CD163L1: variants seen among roughly 807,000 people sequenced by gnomAD.
CD163L1 encodes scavenger receptor cysteine-rich type 1 protein M160.
Under a neutral mutation model 165.4 loss-of-function variants are expected in CD163L1, and 124 were observed. The observed-to-expected ratio is 0.75, with a 90% confidence interval of 0.65 to 0.87. The LOEUF (loss-of-function observed/expected upper bound fraction) is 0.87, where lower values mean the gene tolerates loss of function less well. Among genes scored for constraint, CD163L1 ranks in the 40% least tolerant of loss-of-function variants. The pLI is 0.00. For missense variants in CD163L1, 1,525 were observed against 1,799.9 expected (o/e 0.85, Z 2.76); for synonymous variants, 585 against 662.2 (o/e 0.88, Z 1.79).
the CD163L1 span, chr12:7,323,309 G>T: frequency 1.2e-6 from 2 of 1,610,296 alleles, no homozygotes; most frequent in Non-Finnish European, 1.7e-6. Flanking sequence ...GCCCTATGAT[G>T]TCCAGGTAGG....
rs1483147633 is a variant in CD163L1 at position 7,422,771 on chromosome 12, GTGTA to G, written c.766+9641_766+9644del. Reference sequence around the variant, plus strand: ...TACATATGTGTGTGTGTGTGTGTGTGTGTATATATATATATACACACAGGTGCAC... The same window carrying G: ...TACATATGTGTGTGTGTGTGTGTGTGTATATATATATACACACAGGTGCAC... On this transcript the variant is annotated intron_variant, in intron 4 of 19. Coordinates refer to ENST00000313599, the MANE Select transcript of CD163L1 (RefSeq NM_174941.6). Among the ~76,000 whole-genome samples the G allele has an allele frequency of 5.7e-3, 823 of 145,006 alleles. 5 individuals carry two copies. Among genetic ancestry groups the G allele is most frequent in the African/African-American group, 0.018 (705 of 39,342 alleles).
chr12:7,404,645 T>A (rs1947980922), intron 5 of CD163L1, among the ~76,000 whole-genome samples: 2 of 152,190 alleles, frequency 1.3e-5, no homozygotes. Flanking sequence ...CTCCTCCCAT[T>A]ATTCAAGCTT....
At chr12:7,406,923 A>C in intron 4 of CD163L1, 71 bp from the exon 5 acceptor site, 1 of 1,353,206 alleles carries the variant, frequency 7.4e-7, no homozygotes, top group Non-Finnish European at 1.0e-6. Flanking sequence ...AGATCCTGCT[A>C]TCCAAATAAA....
the CD163L1 span, chr12:7,320,847 A>G: frequency 1.4e-6 from 2 of 1,479,814 alleles, no homozygotes; most frequent in African/African-American, 1.4e-5. Flanking sequence ...AACAATAGCT[A>G]CCATCCAGGA....
chr12:7,393,191 G>A (rs768529490), intron 8 of CD163L1, among the ~76,000 whole-genome samples: 7 of 152,194 alleles, frequency 4.6e-5, no homozygotes, highest in East Asian at 1.9e-4. Flanking sequence ...CTGGCAAACC[G>A]AATCCAGCAG....
At chr12:7,349,231 T>C (rs2136362791) in intron 4 of CD163L1, among the ~76,000 whole-genome samples, 1 of 152,328 alleles carries the variant, frequency 6.6e-6, no homozygotes, top group African/African-American at 2.4e-5. Flanking sequence ...TAATTATATA[T>C]TGATTTTTAA....
intron 4 of CD163L1, among the ~76,000 whole-genome samples, chr12:7,427,129 A>T (rs780312093): frequency 1.7e-4 from 26 of 152,246 alleles, no homozygotes; most frequent in African/African-American, 6.3e-4. Flanking sequence ...ACTTTCAAAA[A>T]TGGACAGATA....
chr12:7,392,494 C>T (rs1422722136), intron 8 of CD163L1, among the ~76,000 whole-genome samples: 7 of 152,016 alleles, frequency 4.6e-5, no homozygotes, highest in Non-Finnish European at 7.4e-5. Context: ...AATCAACACC[C>T]TAATATCACA....
At chr12:7,439,142 T>C in intron 2 of CD163L1, 1 of 1,576,012 alleles carries the variant, frequency 6.3e-7, no homozygotes, top group East Asian at 2.2e-5. Flanking sequence ...TTCTCTGCTG[T>C]CGGAATGTAG....
intron 8 of CD163L1, among the ~76,000 whole-genome samples, chr12:7,383,814 A>G (rs1947460924): frequency 1.3e-5 from 2 of 152,334 alleles, no homozygotes; most frequent in Non-Finnish European, 1.5e-5. Context: ...TACAACAAAA[A>G]GTTTTCCTCT....
At chr12:7,430,007 T>G (rs1272641854) in intron 4 of CD163L1, among the ~76,000 whole-genome samples, 1 of 152,174 alleles carries the variant, frequency 6.6e-6, no homozygotes, top group African/African-American at 2.4e-5. Context: ...TTCTCTACCC[T>G]TGGAGGCCAC....
intron 1 of CD163L1, among the ~76,000 whole-genome samples, chr12:7,441,464 A>G (rs1352331972): frequency 1.3e-5 from 2 of 152,232 alleles, no homozygotes; most frequent in Non-Finnish European, 2.9e-5. Flanking sequence ...AACAGGGCAG[A>G]TATTTTAGCA....
At chr12:7,442,396 A>G (rs1591979192) in intron 1 of CD163L1, among the ~76,000 whole-genome samples, 1 of 152,238 alleles carries the variant, frequency 6.6e-6, no homozygotes, top group Non-Finnish European at 1.5e-5. Flanking sequence ...TTTGGTGGAC[A>G]TCTTTAGTTT....
At chr12:7,421,516 T>G (rs1478515242) in intron 4 of CD163L1, among the ~76,000 whole-genome samples, 2 of 128,378 alleles carry the variant, frequency 1.6e-5, no homozygotes, top group African/African-American at 6.3e-5. Context: ...TACATATACA[T>G]ATATGTACAT....
chr12:7,361,155 A>G (rs1344475184), intron 18 of CD163L1, among the ~76,000 whole-genome samples: 1 of 152,020 alleles, frequency 6.6e-6, no homozygotes, highest in Non-Finnish European at 1.5e-5. Flanking sequence ...TAGTATATAT[A>G]TATTTTCATT....
intron 4 of CD163L1, among the ~76,000 whole-genome samples, chr12:7,415,143 G>C (rs932229181): frequency 1.3e-5 from 2 of 151,986 alleles, no homozygotes; most frequent in Non-Finnish European, 2.9e-5. Flanking sequence ...TTTGTTACTG[G>C]ATAAAAAATA....
At chr12:7,414,092 C>A (rs968229444) in intron 4 of CD163L1, among the ~76,000 whole-genome samples, 1 of 151,944 alleles carries the variant, frequency 6.6e-6, no homozygotes, top group Non-Finnish European at 1.5e-5. Flanking sequence ...ACCAAAGGAA[C>A]AAAATAAAGT....
chr12:7,358,216 T>C (rs1946819810), intron 18 of CD163L1, among the ~76,000 whole-genome samples: 1 of 152,084 alleles, frequency 6.6e-6, no homozygotes, highest in Non-Finnish European at 1.5e-5. Context: ...AAATCTAAAC[T>C]GTAATTGACA....
intron 1 of CD163L1, among the ~76,000 whole-genome samples, chr12:7,442,281 C>A (rs910591153): frequency 6.6e-6 from 1 of 151,988 alleles, no homozygotes; most frequent in South Asian, 2.1e-4. Context: ...TAATCCCAGA[C>A]AACAAAAAAC....
Sources: allele counts gnomAD v4.1 joint callset (sites outside exome capture counted in the v4.1 genomes callset), GRCh38; gene constraint gnomAD v4.1.1; transcripts MANE v1.5; gene names NCBI Gene and HGNC (gene_info 2026-07-23, HGNC 2026-07-21).